DTNA: variants seen among roughly 807,000 people sequenced by gnomAD.
The protein encoded by DTNA is dystrophin-related protein 3.
A neutral mutation model predicts 100.7 loss-of-function variants in DTNA; 43 were observed. That is an observed-to-expected ratio of 0.43 (90% CI 0.33 to 0.55). The LOEUF is 0.55. DTNA is among the 20% of genes least tolerant of loss of function. The pLI, the probability that DTNA is intolerant of heterozygous loss-of-function variation, is 0.04. For synonymous variants in DTNA, 349 were observed against 347.9 expected, an observed-to-expected ratio of 1.00 and a Z score of -0.04; for missense variants, 798 against 953.9, an observed-to-expected ratio of 0.84 and a Z score of 2.15.
intron 1 of DTNA, among the ~76,000 whole-genome samples, chr18:34,649,190 T>C (rs1346034957): frequency 6.6e-6 from 1 of 152,222 alleles, no homozygotes; most frequent in Non-Finnish European, 1.5e-5. Flanking sequence ...AACTTATCTC[T>C]GTCTGTATTT....
At chr18:34,858,228 G>A in intron 15 of DTNA, 57 bp from the exon 16 acceptor site, 2 of 1,538,246 alleles carry the variant, frequency 1.3e-6, no homozygotes, top group Non-Finnish European at 9.0e-7. Flanking sequence ...CTGCTCCGAT[G>A]TTAGTTTCCT....
chr18:34,516,342 G>T (rs1487445141), intron 1 of DTNA, among the ~76,000 whole-genome samples: 1 of 152,088 alleles, frequency 6.6e-6, no homozygotes, highest in Non-Finnish European at 1.5e-5. Flanking sequence ...GGCAAATGAA[G>T]CCAGAGCAAG....
intron 1 of DTNA, among the ~76,000 whole-genome samples, chr18:34,516,073 A>G (rs781579352): frequency 9.9e-5 from 15 of 152,182 alleles, no homozygotes; most frequent in Non-Finnish European, 1.6e-4. Context: ...TATTGGGGGA[A>G]CCACCCCCAA....
chr18:34,650,068 C>T (rs937022816), intron 1 of DTNA, among the ~76,000 whole-genome samples: 1 of 151,930 alleles, frequency 6.6e-6, no homozygotes, highest in Non-Finnish European at 1.5e-5. Context: ...AAACTGAAGT[C>T]TTGGATAAAG....
At chr18:34,887,407 A>AT (rs918366595) in intron 22 of DTNA, among the ~76,000 whole-genome samples, 4 of 152,106 alleles carry the variant, frequency 2.6e-5, no homozygotes, top group African/African-American at 9.7e-5. Flanking sequence ...TCCAAAGTAG[A>AT]TTTTTTAAAA....
intron 1 of DTNA, among the ~76,000 whole-genome samples, chr18:34,555,941 CGTT>C (rs1398606788): frequency 6.6e-6 from 1 of 151,220 alleles, no homozygotes; most frequent in African/African-American, 2.4e-5. Context: ...CTTTCTGTCT[CGTT>C]GATCTGTCTA....
At chr18:34,583,173 T>G (rs975212347) in intron 1 of DTNA, among the ~76,000 whole-genome samples, 1 of 152,234 alleles carries the variant, frequency 6.6e-6, no homozygotes, top group African/African-American at 2.4e-5. Flanking sequence ...GAACAACATG[T>G]AATGTCAGAA....
At chr18:34,860,904 G>A (rs966138195) in intron 16 of DTNA, among the ~76,000 whole-genome samples, 5 of 152,062 alleles carry the variant, frequency 3.3e-5, no homozygotes, top group African/African-American at 1.2e-4. Flanking sequence ...CTCGTTTAAT[G>A]GATAAGGAAA....
At chr18:34,776,729 C>A (rs2094072713) in intron 3 of DTNA, among the ~76,000 whole-genome samples, 1 of 152,188 alleles carries the variant, frequency 6.6e-6, no homozygotes, top group South Asian at 2.1e-4. Flanking sequence ...TGCTCAGATT[C>A]CTGCAGTGGC....
chr18:34,866,978 CTCA>C (rs1336730109), intron 17 of DTNA: 1 of 1,041,396 alleles, frequency 9.6e-7, no homozygotes, highest in African/African-American at 4.2e-5. Context: ...GAGCAGCAAA[CTCA>C]AAAAAAAAAA....
chr18:34,547,271 G>A (rs563170849), intron 1 of DTNA, among the ~76,000 whole-genome samples: 17 of 151,884 alleles, frequency 1.1e-4, no homozygotes, highest in Non-Finnish European at 2.2e-4. Context: ...ATATTATAAT[G>A]ATACTTTTTA....
At chr18:34,527,513 A>G (rs147653956) in intron 1 of DTNA, among the ~76,000 whole-genome samples, 2 of 152,194 alleles carry the variant, frequency 1.3e-5, no homozygotes, top group African/African-American at 4.8e-5. Flanking sequence ...TGTGCCTCCT[A>G]CAGAGAAGGT....
chr18:34,838,010 C>A, intron 11 of DTNA, 84 bp from the exon 12 acceptor site: 1 of 1,198,014 alleles, frequency 8.3e-7, no homozygotes, highest in African/African-American at 1.5e-5. Context: ...TGGATCTAGA[C>A]TTGGGAGTGT....
intron 1 of DTNA, among the ~76,000 whole-genome samples, chr18:34,601,912 A>T (rs1018112578): frequency 6.6e-6 from 1 of 152,210 alleles, no homozygotes. Context: ...GTAAATGTGA[A>T]ATCTTAATGC....
intron 1 of DTNA, among the ~76,000 whole-genome samples, chr18:34,518,467 G>A (rs532262868): frequency 6.6e-6 from 1 of 151,972 alleles, no homozygotes; most frequent in Non-Finnish European, 1.5e-5. Flanking sequence ...TTAATGGTTT[G>A]CAGTTTTGGT....
Position 34,712,239 on chromosome 18 carries a change from T to C in DTNA, c.-2+1794T>C, listed in dbSNP as rs1273755052. On this transcript the variant is annotated intron_variant, in intron 1 of 22. Coordinates refer to ENST00000444659, the MANE Select transcript of DTNA (RefSeq NM_001386795.1). ...GTGTAAATGATCTCTTACCCAAGCA[T>C]TTTTCTTTCCCGCCGGTACTGGAAA... Among the ~76,000 whole-genome samples the C allele has an allele frequency of 2.0e-5, 3 of 152,046 alleles. No individual in the cohort carries two copies. The East Asian group carries it at 5.8e-4, about 29-fold the overall frequency.
chr18:34,672,659 A>C (rs1237530801), intron 1 of DTNA, among the ~76,000 whole-genome samples: 2 of 152,234 alleles, frequency 1.3e-5, no homozygotes, highest in East Asian at 1.9e-4. Flanking sequence ...TTGAATAAAA[A>C]TAATTTCATA....
chr18:34,669,788 A>T (rs960751344), intron 1 of DTNA, among the ~76,000 whole-genome samples: 10 of 152,208 alleles, frequency 6.6e-5, no homozygotes, highest in Non-Finnish European at 1.0e-4. Flanking sequence ...GTTTCTGCAG[A>T]GAGATCCGCT....
At chr18:34,837,885 A>C (rs945007115) in intron 11 of DTNA, among the ~76,000 whole-genome samples, 2 of 152,234 alleles carry the variant, frequency 1.3e-5, no homozygotes, top group African/African-American at 4.8e-5. Flanking sequence ...ATCTGGGATC[A>C]TGGTGATTGC....
Sources: gnomAD v4.1 joint callset for allele counts (sites outside exome capture counted in the v4.1 genomes callset) on GRCh38, gnomAD v4.1.1 for gene constraint, MANE v1.5 for transcripts, NCBI Gene and HGNC (gene_info 2026-07-23, HGNC 2026-07-21) for gene names.